ERI1: variants seen among roughly 807,000 people sequenced by gnomAD.
The protein encoded by ERI1 is exoribonuclease 1, also known as 3'-5' exoribonuclease 1.
ERI1 carries 39 observed loss-of-function variants against 39.7 expected under a neutral mutation model. That is an observed-to-expected ratio of 0.98 (90% CI 0.76 to 1.28). The LOEUF (loss-of-function observed/expected upper bound fraction) is 1.28, where lower values mean the gene tolerates loss of function less well. ERI1 is among the 50% of genes most tolerant of loss of function. The pLI, the probability that ERI1 is intolerant of heterozygous loss-of-function variation, is 0.00. For missense variants in ERI1, 581 were observed against 416.9 expected (o/e 1.39, Z -3.43); for synonymous variants, 204 against 149.6 (o/e 1.36, Z -2.65).
chr8:9,004,078 C>G lies in ERI1; in HGVS notation c.108+907C>G, dbSNP rs763478565. ...TTTTTTCCCTTTTGTTCCCAGTGCC[C>G]CTCGCTGCCTTGTGTTCTTTGACAT... On this transcript the variant is annotated intron_variant, in intron 1 of 6. Transcript: ENST00000250263. 7.0e-6 allele frequency: 9 copies of G among 1,289,152 alleles called. No individual in the cohort carries two copies. The South Asian group carries it at 1.1e-4, about 16-fold the overall frequency. 79.9% of individuals were successfully genotyped at this position (1,289,152 alleles called of 1,614,324 possible).
At chr8:9,027,136 GGT>G (rs780775904) in intron 6 of ERI1, among the ~76,000 whole-genome samples, 3 of 137,498 alleles carry the variant, frequency 2.2e-5, no homozygotes, top group African/African-American at 8.3e-5. Flanking sequence ...GTTATTTTCT[GGT>G]GTGTGTGTGT....
Position 9,031,938 on chromosome 8 carries a change from G to C in ERI1, c.*1904G>C, listed in dbSNP as rs1348722871. On this transcript the variant is annotated 3_prime_UTR_variant, in exon 7 of 7. Transcript: ENST00000250263. ...ACACCCGCCTAATTTTTGTATTTTT[G>C]GTAGAGGCGGGGTTTCACCATGTTG... 1 of 152,136 alleles carries C rather than the reference G, an allele frequency of 6.6e-6. No homozygotes were observed. Among genetic ancestry groups the C allele is most frequent in the Non-Finnish European group, 1.5e-5 (1 of 68,082 alleles). The allele number at this position is 152,136 out of a possible 1,614,324, so 9.4% of individuals were successfully genotyped here. A position where few individuals can be genotyped will look rare whatever the true frequency, so the allele number is the denominator to read the frequency against.
intron 3 of ERI1, among the ~76,000 whole-genome samples, chr8:9,051,911 C>T (rs1798368605): frequency 6.6e-6 from 1 of 152,172 alleles, no homozygotes; most frequent in African/African-American, 2.4e-5. Flanking sequence ...GTTTTGTAGC[C>T]ATCCTTAGAG....
intron 2 of ERI1, chr8:9,009,132 T>C (rs527835531): frequency 6.6e-6 from 3 of 455,406 alleles, no homozygotes; most frequent in East Asian, 1.4e-4. Flanking sequence ...GAGCTAGCGA[T>C]CTAGATGTAT....
At chr8:9,084,216 C>T (rs980779338) in intron 3 of ERI1, among the ~76,000 whole-genome samples, 2 of 152,086 alleles carry the variant, frequency 1.3e-5, no homozygotes, top group African/African-American at 4.8e-5. Flanking sequence ...AGTGAGCTTT[C>T]GTGGCATTAC....
chr8:9,004,342 G>C (rs1160206679), intron 1 of ERI1: 7 of 1,067,394 alleles, frequency 6.6e-6, no homozygotes, highest in Non-Finnish European at 8.3e-6. Context: ...TTTAGTAAAA[G>C]AAGTGTGTTT....
intron 3 of ERI1, among the ~76,000 whole-genome samples, chr8:9,067,780 T>A (rs1228889792): frequency 6.6e-6 from 1 of 152,120 alleles, no homozygotes; most frequent in East Asian, 1.9e-4. Context: ...GATTTCAAGA[T>A]TACACAGCTA....
At chr8:9,052,384 CT>C (rs1798385522) in intron 3 of ERI1, among the ~76,000 whole-genome samples, 1 of 151,946 alleles carries the variant, frequency 6.6e-6, no homozygotes, top group Admixed American at 6.6e-5. Context: ...ACCAAAAGAA[CT>C]GGACAAACTC....
chr8:9,053,382 A>G (rs1364748042), intron 3 of ERI1, among the ~76,000 whole-genome samples: 5 of 152,166 alleles, frequency 3.3e-5, no homozygotes, highest in Non-Finnish European at 4.4e-5. Context: ...TTGAGCAACA[A>G]GCTTCCAGGA....
At chr8:9,021,011 A>G (rs913026760) in intron 6 of ERI1, among the ~76,000 whole-genome samples, 1 of 152,020 alleles carries the variant, frequency 6.6e-6, no homozygotes, top group African/African-American at 2.4e-5. Context: ...GATCTATTGA[A>G]TTCCTGCCCT....
intron 3 of ERI1, among the ~76,000 whole-genome samples, chr8:9,080,364 G>A (rs1799331903): frequency 6.6e-6 from 1 of 152,212 alleles, no homozygotes; most frequent in Admixed American, 6.5e-5. Context: ...TTCATGTGAT[G>A]TCCTGACAGG....
chr8:9,016,884 G>T (rs965864830), intron 4 of ERI1, among the ~76,000 whole-genome samples: 2 of 151,856 alleles, frequency 1.3e-5, no homozygotes, highest in Admixed American at 6.6e-5. Context: ...ACCTGGTTTC[G>T]CCATATTGGC....
intron 1 of ERI1, among the ~76,000 whole-genome samples, chr8:9,005,872 A>G (rs1009238558): frequency 2.0e-5 from 3 of 152,252 alleles, no homozygotes; most frequent in Non-Finnish European, 4.4e-5. Context: ...GCCACATCCC[A>G]TAATGTAAAA....
At chr8:9,034,158 T>A (rs1039842187), downstream of ERI1, among the ~76,000 whole-genome samples, 11 of 152,260 alleles carry the variant, frequency 7.2e-5, no homozygotes, top group Admixed American at 2.0e-4. Context: ...TTTTCTGGAT[T>A]CCTTACCAAG....
intron 6 of ERI1, among the ~76,000 whole-genome samples, chr8:9,027,149 A>C (rs11775447): frequency 2.1e-5 from 3 of 141,692 alleles, no homozygotes; most frequent in African/African-American, 9.0e-5. Context: ...GTGTGTGTGT[A>C]TGTGTGTGTG....
At chr8:9,087,394 A>C (rs1799562581) in intron 3 of ERI1, among the ~76,000 whole-genome samples, 1 of 146,060 alleles carries the variant, frequency 6.8e-6, no homozygotes, top group Admixed American at 6.9e-5. Flanking sequence ...TTACAGGTGC[A>C]TGTCACCATA....
intron 3 of ERI1, among the ~76,000 whole-genome samples, chr8:9,053,877 G>A (rs528631031): frequency 1.3e-5 from 2 of 152,294 alleles, no homozygotes; most frequent in East Asian, 1.9e-4. Context: ...AGAGAACCAC[G>A]TTCAAATCAT....
intron 6 of ERI1, among the ~76,000 whole-genome samples, chr8:9,022,278 T>TA (rs926085462): frequency 9.2e-5 from 14 of 152,268 alleles, no homozygotes; most frequent in African/African-American, 2.6e-4. Context: ...CTGACTGTTT[T>TA]AAAAAAAATT....
At chr8:9,087,592 A>G (rs7009435) in intron 3 of ERI1, among the ~76,000 whole-genome samples, 1 of 151,876 alleles carries the variant, frequency 6.6e-6, no homozygotes, top group Non-Finnish European at 1.5e-5. Context: ...TTATTTTTAT[A>G]CAGTGATCAT....
Sources: allele counts gnomAD v4.1 joint callset (sites outside exome capture counted in the v4.1 genomes callset), GRCh38; gene constraint gnomAD v4.1.1; transcripts MANE v1.5; gene names NCBI Gene and HGNC (gene_info 2026-07-23, HGNC 2026-07-21).